TMEM127: variants seen among roughly 807,000 people sequenced by gnomAD.
TMEM127 encodes transmembrane protein 127.
A neutral mutation model predicts 20.1 loss-of-function variants in TMEM127; 21 were observed. The ratio of observed to expected loss-of-function variants is 1.04; its 90% CI spans 0.74 to 1.50. The LOEUF is 1.50. TMEM127 is among the 40% of genes most tolerant of loss of function. TMEM127 has a pLI of 0.00. For synonymous variants in TMEM127, 150 were observed against 144.7 expected (o/e 1.04, Z -0.26); for missense variants, 303 against 317.4 (o/e 0.95, Z 0.34).
At chr2:96,264,678 A>G (rs1684377632) in intron 2 of TMEM127, among the ~76,000 whole-genome samples, 1 of 152,198 alleles carries the variant, frequency 6.6e-6, no homozygotes. Context: ...CGATTACCTA[A>G]AATGCCACAG....
At chr2:96,263,589 T>A (rs1214824740) in intron 2 of TMEM127, among the ~76,000 whole-genome samples, 1 of 152,176 alleles carries the variant, frequency 6.6e-6, no homozygotes, top group Non-Finnish European at 1.5e-5. Flanking sequence ...GTGAAATAAT[T>A]ATGAGATTGC....
chr2:96,260,779 C>T (rs978968770), intron 2 of TMEM127, among the ~76,000 whole-genome samples: 2 of 152,216 alleles, frequency 1.3e-5, no homozygotes, highest in African/African-American at 4.8e-5. Flanking sequence ...GAATTAGAGA[C>T]ACTTCCCCAA....
intron 3 of TMEM127, among the ~76,000 whole-genome samples, chr2:96,254,545 G>A (rs1461838975): frequency 2.0e-5 from 3 of 152,304 alleles, no homozygotes; most frequent in Middle Eastern, 3.4e-3. Flanking sequence ...ACTCATGTCA[G>A]GTCTGAGCTT....
intron 2 of TMEM127, 86 bp downstream of exon 2, chr2:96,265,052 T>C (rs1684384465): frequency 4.4e-6 from 7 of 1,576,600 alleles, no homozygotes; most frequent in Non-Finnish European, 6.0e-6. Context: ...TTCAACCAAG[T>C]GTCTGGTCCC....
In TMEM127 at chr2:96,265,432, C is replaced by G; in HGVS notation, c.-51G>C. The G allele has an allele frequency of 7.6e-7, 1 of 1,313,162 alleles. No homozygotes were observed. The highest frequency in any genetic ancestry group is 9.6e-7 in the Non-Finnish European group (1 of 1,038,290). The allele number at this position is 1,313,162 out of a possible 1,614,324, so 81.3% of individuals were successfully genotyped here. On this transcript the variant is annotated 5_prime_UTR_variant, in exon 2 of 4. Transcript: ENST00000258439. ...GCAGTCGCTGCTGGTCGCCGCCGACCTCCGCGGGGCGCGCAGAGCCTGACA... is the reference window on the plus strand; with the variant it reads ...GCAGTCGCTGCTGGTCGCCGCCGACGTCCGCGGGGCGCGCAGAGCCTGACA...
chr2:96,250,736 C>T lies in TMEM127; in HGVS notation c.*3072G>A, dbSNP rs1684069880. The T allele has an allele frequency of 4.3e-6, 1 of 232,942 alleles. No homozygotes were observed. Among genetic ancestry groups the T allele is most frequent in the South Asian group, 1.8e-4 (1 of 5,526 alleles). 14.4% of individuals were successfully genotyped at this position (232,942 alleles called of 1,614,324 possible). ...GAAGAAGGAACGGAGAGAACGTGGG[C>T]AATCAAGGCCTGGCACTGCCCTACA... On this transcript the variant is annotated 3_prime_UTR_variant, in exon 4 of 4. Coordinates refer to ENST00000258439, the MANE Select transcript of TMEM127 (RefSeq NM_017849.4).
intron 2 of TMEM127, among the ~76,000 whole-genome samples, chr2:96,264,515 T>C (rs1424238721): frequency 6.6e-6 from 1 of 152,176 alleles, no homozygotes; most frequent in African/African-American, 2.4e-5. Flanking sequence ...GGATAAACTA[T>C]GGGGCCCATA....
At chr2:96,255,115 G>T in intron 2 of TMEM127, 118 bp from the exon 3 acceptor site, 1 of 1,425,128 alleles carries the variant, frequency 7.0e-7, no homozygotes, top group Non-Finnish European at 9.7e-7. Flanking sequence ...CAGTTCTGGA[G>T]GACGCTGTCT....
Position 96,250,212 on chromosome 2 carries a change from A to G in TMEM127, c.*3596T>C, listed in dbSNP as rs1684058716. ...GCTCCTTCTGCTGTTAGTGCCTTAA[A>G]TGAGCACCCCTCACCTTTCTAACCT... On this transcript the variant is annotated 3_prime_UTR_variant, in exon 4 of 4. Coordinates refer to ENST00000258439, the MANE Select transcript of TMEM127 (RefSeq NM_017849.4). The G allele has an allele frequency of 8.6e-6, 2 of 233,232 alleles. No individual in the cohort carries two copies. The highest frequency in any genetic ancestry group is 4.4e-5 in the African/African-American group (2 of 45,300). 14.4% of individuals were successfully genotyped at this position (233,232 alleles called of 1,614,324 possible).
chr2:96,263,605 A>G (rs1684355199), intron 2 of TMEM127, among the ~76,000 whole-genome samples: 1 of 152,214 alleles, frequency 6.6e-6, no homozygotes. Flanking sequence ...ATTGCTCCTT[A>G]TGACAGCTGA....
intron 2 of TMEM127, 57 bp downstream of exon 2, chr2:96,265,081 C>G: frequency 6.2e-7 from 1 of 1,606,014 alleles, no homozygotes; most frequent in South Asian, 1.1e-5. Flanking sequence ...TCTGCTTCAG[C>G]CAGAACACAT....
In TMEM127 at chr2:96,253,322, G is replaced by T. The variant is rs1684130086; in HGVS notation, c.*486C>A. ...GAACTCCCCGGAGCAGGTGGCCTGG[G>T]GGCGGGTCACTCCGAGAAGGAAGGG... On this transcript the variant is annotated 3_prime_UTR_variant, in exon 4 of 4. Coordinates refer to ENST00000258439, the MANE Select transcript of TMEM127 (RefSeq NM_017849.4). The surrounding 1 kb of genome is among the most constrained non-coding windows in gnomAD (Gnocchi z 4.3). 8.2e-6 allele frequency: 2 copies of T among 243,556 alleles called. No homozygotes were observed. Among genetic ancestry groups the T allele is most frequent in the Admixed American group, 5.0e-5 (1 of 19,806 alleles). The allele number at this position is 243,556 out of a possible 1,614,324, so 15.1% of individuals were successfully genotyped here.
At chr2:96,265,021 G>C in intron 2 of TMEM127, 117 bp downstream of exon 2, 1 of 1,516,902 alleles carries the variant, frequency 6.6e-7, no homozygotes, top group Non-Finnish European at 8.9e-7. Flanking sequence ...ATGAACACCA[G>C]GCAGTTATGG....
intron 2 of TMEM127, among the ~76,000 whole-genome samples, chr2:96,259,530 C>T (rs1684274607): frequency 1.3e-5 from 2 of 152,174 alleles, no homozygotes; most frequent in Admixed American, 1.3e-4. Context: ...TGAAATCTCT[C>T]TAAGAAGCAA....
intron 2 of TMEM127, among the ~76,000 whole-genome samples, chr2:96,259,543 A>C (rs1684274817): frequency 6.6e-6 from 1 of 152,212 alleles, no homozygotes; most frequent in Non-Finnish European, 1.5e-5. Context: ...AGAAGCAAAA[A>C]AGGTTTGGGT....
At chr2:96,255,600 G>A (rs1216426834) in intron 2 of TMEM127, among the ~76,000 whole-genome samples, 2 of 152,212 alleles carry the variant, frequency 1.3e-5, no homozygotes, top group Non-Finnish European at 2.9e-5. Context: ...CAGGTAGGGA[G>A]AGGGGAGAAC....
rs779856248 is a variant in TMEM127, at chr2:96,249,435, G to A, written c.*4373C>T. On this transcript the variant is annotated 3_prime_UTR_variant, in exon 4 of 4. Transcript: ENST00000258439. ...TTCTCAAACCAGTAACCCTAATGAA[G>A]CGTCTTCGTTTCAGGTGGGCTCATT... The A allele has an allele frequency of 4.5e-6, 1 of 221,776 alleles. No homozygotes were observed. The highest frequency in any genetic ancestry group is 9.0e-6 in the Non-Finnish European group (1 of 110,916). The allele number at this position is 221,776 out of a possible 1,614,324, so 13.7% of individuals were successfully genotyped here.
At position 96,253,622 on chromosome 2, in the gene TMEM127, G is replaced by A. The variant is rs947627971; in HGVS notation, c.*186C>T. 7.9e-6 allele frequency: 5 copies of A among 635,506 alleles called. No homozygotes were observed. The highest frequency in any genetic ancestry group is 1.3e-5 in the Non-Finnish European group (5 of 371,842). The allele number at this position is 635,506 out of a possible 1,614,324, so 39.4% of individuals were successfully genotyped here. A position where few individuals can be genotyped will look rare whatever the true frequency, so the allele number is the denominator to read the frequency against. On this transcript the variant is annotated 3_prime_UTR_variant, in exon 4 of 4. Transcript: ENST00000258439. The surrounding 1 kb of genome is among the most constrained non-coding windows in gnomAD (Gnocchi z 4.3). Reference sequence around the variant, plus strand: ...AAGAGTACATTATAGAAAACCAGTGGACCTCCGGTTCTGAGAGCAGGGATA... The same window carrying A: ...AAGAGTACATTATAGAAAACCAGTGAACCTCCGGTTCTGAGAGCAGGGATA...
In TMEM127 at chr2:96,265,335, C is replaced by T. The variant is rs1245811763; in HGVS notation, c.47G>A (p.Arg16Lys). The T allele has an allele frequency of 6.6e-7, 1 of 1,515,272 alleles. No homozygotes were observed. The highest frequency in any genetic ancestry group is 8.8e-7 in the Non-Finnish European group (1 of 1,136,502). 93.9% of individuals were successfully genotyped at this position (1,515,272 alleles called of 1,614,324 possible). A position where few individuals can be genotyped will look rare whatever the true frequency, so the allele number is the denominator to read the frequency against. The change falls in exon 2 of 4, where the codon AGG becomes AAG. Residue 16 changes from arginine to lysine, a missense_variant. By Grantham distance (26) the Arg-to-Lys change is conservative. Transcript: ENST00000258439. ...GAGLPGGRRR[R>K]SPGGSALPKQ... ...GGGCAGAGCGCTGCCTCCCGGGCTC[C>T]TCCGCCGGCGCCCGCCGGGCAGCCC...
Sources: allele counts gnomAD v4.1 joint callset (sites outside exome capture counted in the v4.1 genomes callset), GRCh38; gene constraint gnomAD v4.1.1; non-coding constraint Gnocchi (gnomAD v3.1); transcripts MANE v1.5; gene names NCBI Gene and HGNC (gene_info 2026-07-23, HGNC 2026-07-21).